The following SPATA6L variants were observed in gnomAD, a reference collection of about 807,000 sequenced individuals.
The protein encoded by SPATA6L is spermatogenesis associated 6 like.
Under a neutral mutation model 49.2 loss-of-function variants are expected in SPATA6L, and 68 were observed. The observed-to-expected ratio is 1.38, with a 90% CI of 1.14 to 1.69. The LOEUF (loss-of-function observed/expected upper bound fraction) is 1.69, where lower values mean the gene tolerates loss of function less well. SPATA6L is among the 40% of genes most tolerant of loss of function. The pLI is 0.00. For missense variants in SPATA6L, 668 were observed against 464.3 expected (o/e 1.44, Z -4.03); for synonymous variants, 198 against 165.7 (o/e 1.19, Z -1.50).
At chr9:4,654,495 G>A (rs570247086) in intron 3 of SPATA6L, among the ~76,000 whole-genome samples, 78 of 152,312 alleles carry the variant, frequency 5.1e-4, no homozygotes, top group African/African-American at 1.9e-3. Context: ...GCTTGTGTTA[G>A]CTCAATTAGA....
At chr9:4,646,434 T>G in intron 3 of SPATA6L, 1 of 1,348,318 alleles carries the variant, frequency 7.4e-7, no homozygotes, top group Non-Finnish European at 1.0e-6. Context: ...CAGGCCAAAT[T>G]TATTTTAAAA....
At chr9:4,590,266 C>T (rs1242187924) in intron 13 of SPATA6L, among the ~76,000 whole-genome samples, 3 of 152,016 alleles carry the variant, frequency 2.0e-5, no homozygotes, top group African/African-American at 7.3e-5. Context: ...GGTGAGTGTA[C>T]CTAAGTGTAT....
intron 1 of SPATA6L, chr9:4,663,051 C>G: frequency 6.2e-7 from 1 of 1,613,984 alleles, no homozygotes; most frequent in African/African-American, 1.3e-5. Flanking sequence ...GAGGTTCATC[C>G]TGAACCACCT....
At chr9:4,626,567 A>C in intron 5 of SPATA6L, 3 of 1,301,890 alleles carry the variant, frequency 2.3e-6, no homozygotes, top group Non-Finnish European at 3.0e-6. Context: ...TAGGGGTGGA[A>C]GCTGCTTCCT....
chr9:4,610,617 C>A (rs899978152), intron 9 of SPATA6L, among the ~76,000 whole-genome samples: 1 of 151,534 alleles, frequency 6.6e-6, no homozygotes, highest in Non-Finnish European at 1.5e-5. Context: ...AAACTGGATC[C>A]CTTCCTTACA....
At position 4,605,327 on chromosome 9, in the gene SPATA6L, G is replaced by C. The variant is rs778699371; in HGVS notation, c.1089+20C>G. 2.5e-6 allele frequency: 4 copies of C among 1,592,210 alleles called. No individual in the cohort carries two copies. The East Asian group carries it at 6.7e-5, about 27-fold the overall frequency. ...ATATTATTTAGTGAGCAAAGATCTA[G>C]TTTTATAAGAAAGTCTAACCTTGTT... On this transcript the variant is annotated intron_variant, in intron 10 of 11. Transcript: ENST00000682582.
In SPATA6L at chr9:4,662,755, G is replaced by C; in HGVS notation, c.40-719C>G. 6.2e-7 allele frequency: 1 copy of C among 1,604,122 alleles called. No homozygotes were observed. Among genetic ancestry groups the C allele is most frequent in the South Asian group, 1.1e-5 (1 of 91,088 alleles). On this transcript the variant is annotated intron_variant, in intron 1 of 11. Transcript: ENST00000682582. This position sits in a 1 kb window ranked among gnomAD's most constrained non-coding sequence, Gnocchi z 4.9. ...GTGTGCGCGGGAGAGAGCTCGTCGTGGGGCAGCGTGCGACCCCTTATGAAG... is the reference window on the plus strand; with the variant it reads ...GTGTGCGCGGGAGAGAGCTCGTCGTCGGGCAGCGTGCGACCCCTTATGAAG...
rs1491472584 is a variant in SPATA6L at position 4,619,156 on chromosome 9, T to TG, written c.773-259_773-258insC. On this transcript the variant is annotated intron_variant, in intron 7 of 11. Coordinates refer to ENST00000682582, the MANE Select transcript of SPATA6L (RefSeq NM_001353486.2). Reference sequence around the variant, plus strand: ...TTGAGGTCAACAGTCAGGTTTTCTCTTTTTTTTTTTTTTTTTTTTGAGATG... The same window carrying TG: ...TTGAGGTCAACAGTCAGGTTTTCTCTGTTTTTTTTTTTTTTTTTTTGAGATG... Among the ~76,000 whole-genome samples the TG allele has an allele frequency of 2.6e-3, 229 of 87,462 alleles. 1 individual carries two copies. The highest frequency in any genetic ancestry group is 0.015 in the African/African-American group (204 of 13,230). The allele number at this position is 87,462 out of a possible 152,430, so 57.4% of individuals were successfully genotyped here. A position where few individuals can be genotyped will look rare whatever the true frequency, so the allele number is the denominator to read the frequency against.
intron 4 of SPATA6L, among the ~76,000 whole-genome samples, chr9:4,629,769 G>GTGTGTGTGTGTATATATATA (rs1311805859): frequency 2.2e-4 from 22 of 101,920 alleles, no homozygotes; most frequent in East Asian, 1.9e-3. Context: ...GTGTGTGTGT[G>GTGTGTGTGTGTATATATATA]TATATATATA....
At chr9:4,654,591 G>A (rs1837670396) in intron 3 of SPATA6L, among the ~76,000 whole-genome samples, 1 of 152,182 alleles carries the variant, frequency 6.6e-6, no homozygotes, top group African/African-American at 2.4e-5. Context: ...ATCACACATG[G>A]GCTTGGAGAA....
chr9:4,637,897 A>C (rs1004285592), intron 3 of SPATA6L, among the ~76,000 whole-genome samples: 1 of 152,192 alleles, frequency 6.6e-6, no homozygotes, highest in African/African-American at 2.4e-5. Context: ...AAAAGGAGAG[A>C]GACTAAATGT....
In SPATA6L at chr9:4,659,975, A is replaced by T. The variant is rs404484; in HGVS notation, c.177+1924T>A. The stretch of plus-strand genomic sequence containing the variant: ...ATGGTGCTGGGAAAACTGGCTAACC[A>T]TATGTAGAAAGCTGAAACTGGATCC... On this transcript the variant is annotated intron_variant, in intron 2 of 11. Transcript: ENST00000682582. Among the ~76,000 whole-genome samples, 19 of 152,216 alleles carry T rather than the reference A, an allele frequency of 1.2e-4. No individual in the cohort carries two copies. The South Asian group carries it at 3.9e-3, about 32-fold the overall frequency.
intron 3 of SPATA6L, among the ~76,000 whole-genome samples, chr9:4,655,322 A>G (rs1837875964): frequency 1.3e-5 from 2 of 152,234 alleles, no homozygotes; most frequent in African/African-American, 4.8e-5. Context: ...ATTCATATGA[A>G]ATATCCAGAA....
intron 9 of SPATA6L, among the ~76,000 whole-genome samples, chr9:4,608,421 A>G (rs1250925646): frequency 3.5e-5 from 3 of 86,542 alleles, no homozygotes; most frequent in Non-Finnish European, 6.3e-5. Flanking sequence ...CAAATGTAAA[A>G]GAACAGAAAT....
chr9:4,654,664 G>A (rs1179034407), intron 3 of SPATA6L, among the ~76,000 whole-genome samples: 2 of 152,162 alleles, frequency 1.3e-5, no homozygotes, highest in Admixed American at 1.3e-4. Context: ...GCAGGGAGAT[G>A]GTTTTCCCCT....
chr9:4,609,096 G>A (rs578043971), intron 9 of SPATA6L, among the ~76,000 whole-genome samples: 4 of 150,832 alleles, frequency 2.7e-5, no homozygotes, highest in Non-Finnish European at 5.9e-5. Context: ...ACTAAACCAG[G>A]AAGAAGTTGA....
intron 10 of SPATA6L, 36 bp from the exon 11 acceptor site, chr9:4,604,305 A>G (rs773183906): frequency 2.9e-6 from 4 of 1,373,028 alleles, no homozygotes; most frequent in East Asian, 2.3e-5. Context: ...TATGTTACCC[A>G]TAACATAATA....
chr9:4,626,391 T>C, intron 5 of SPATA6L: 1 of 1,299,520 alleles, frequency 7.7e-7, no homozygotes, highest in Non-Finnish European at 1.0e-6. Context: ...GTGCCCCTCC[T>C]TTGAGATCTG....
intron 9 of SPATA6L, among the ~76,000 whole-genome samples, chr9:4,607,349 C>T (rs1402628344): frequency 1.3e-5 from 2 of 152,064 alleles, no homozygotes; most frequent in Non-Finnish European, 2.9e-5. Flanking sequence ...TTGTCAGATT[C>T]ACCAAAGTTG....
Sources: allele counts gnomAD v4.1 joint callset (sites outside exome capture counted in the v4.1 genomes callset), GRCh38; gene constraint gnomAD v4.1.1; non-coding constraint Gnocchi (gnomAD v3.1); transcripts MANE v1.5; gene names NCBI Gene and HGNC (gene_info 2026-07-23, HGNC 2026-07-21).